Variants in PLEKHA7 observed in about 807,000 individuals in gnomAD.
PLEKHA7 encodes pleckstrin homology domain containing A7.
PLEKHA7 carries 104 observed loss-of-function variants against 170.0 expected under a neutral mutation model. The observed-to-expected ratio is 0.61, with a 90% CI of 0.52 to 0.72. The LOEUF (loss-of-function observed/expected upper bound fraction) is 0.72. Ranked by LOEUF, PLEKHA7 falls within the 30% of genes least tolerant of loss-of-function variation. The pLI, the probability that PLEKHA7 is intolerant of heterozygous loss-of-function variation, is 0.00. For missense variants in PLEKHA7, 1,615 were observed against 1,671.7 expected, an observed-to-expected ratio of 0.97 and a Z score of 0.59; for synonymous variants, 648 against 660.8, an observed-to-expected ratio of 0.98 and a Z score of 0.30.
Position 16,789,155 on chromosome 11 carries a change from T to C in PLEKHA7, c.3298A>G (p.Arg1100Gly). Residue 1100 changes from arginine to glycine, a missense_variant, in exon 23 of 27, where the codon AGG (arginine) becomes GGG (glycine). Arg to Gly is a moderately radical substitution (Grantham distance 125, BLOSUM62 -2). Transcript: ENST00000531066. The surrounding 1 kb of genome is among the most constrained non-coding windows in gnomAD (Gnocchi z 4.6). ...ERKRTLGQGE[R>G]TGLPSSRYLS... The stretch of plus-strand genomic sequence containing the variant: ...TAGCGAGATGAGGGCAGGCCCGTCC[T>C]CTCCCCTTGGCCCAGTGTCCTCTTG... 1.9e-6 allele frequency: 3 copies of C among 1,611,540 alleles called. No homozygotes were observed. Among genetic ancestry groups the C allele is most frequent in the Non-Finnish European group, 2.5e-6 (3 of 1,180,024 alleles).
chr11:16,843,148 G>T (rs777775802), intron 8 of PLEKHA7, among the ~76,000 whole-genome samples: 1 of 152,194 alleles, frequency 6.6e-6, no homozygotes, highest in Non-Finnish European at 1.5e-5. Flanking sequence ...TTGAAAGAAC[G>T]AAGAGTTAGA....
chr11:16,792,805 G>A (rs1370833010), intron 19 of PLEKHA7, among the ~76,000 whole-genome samples: 1 of 152,168 alleles, frequency 6.6e-6, no homozygotes, highest in East Asian at 1.9e-4. Flanking sequence ...ACAGGGTCTT[G>A]CTGTATTGCC....
chr11:16,854,285 C>G (rs1360989939), intron 6 of PLEKHA7, among the ~76,000 whole-genome samples: 5 of 152,198 alleles, frequency 3.3e-5, no homozygotes, highest in African/African-American at 1.2e-4. Context: ...GCCGACAGAG[C>G]TGACAGGGCT....
At chr11:16,827,762 A>G (rs1850772223) in intron 9 of PLEKHA7, among the ~76,000 whole-genome samples, 1 of 150,834 alleles carries the variant, frequency 6.6e-6, no homozygotes, top group African/African-American at 2.4e-5. Flanking sequence ...CTCAGCTCAG[A>G]TGGACTAGAA....
intron 3 of PLEKHA7, among the ~76,000 whole-genome samples, chr11:16,958,815 C>T (rs1380603080): frequency 6.6e-6 from 1 of 151,784 alleles, no homozygotes; most frequent in African/African-American, 2.4e-5. Context: ...TGCTCAATTG[C>T]ACAGCCGATG....
At chr11:16,954,956 C>T (rs1206396970) in intron 3 of PLEKHA7, among the ~76,000 whole-genome samples, 1 of 152,198 alleles carries the variant, frequency 6.6e-6, no homozygotes, top group Non-Finnish European at 1.5e-5. Context: ...TCCCAAAGTG[C>T]TGGGATTACA....
At chr11:16,798,995 A>T (rs1372912628) in intron 17 of PLEKHA7, among the ~76,000 whole-genome samples, 1 of 152,236 alleles carries the variant, frequency 6.6e-6, no homozygotes, top group East Asian at 1.9e-4. Context: ...ATTTCCTTAG[A>T]CTGGCGCTGC....
chr11:17,001,901 C>T (rs1864686209), intron 3 of PLEKHA7, among the ~76,000 whole-genome samples: 1 of 152,222 alleles, frequency 6.6e-6, no homozygotes, highest in African/African-American at 2.4e-5. Context: ...GCAAAAAAGC[C>T]CCTGAGAAAC....
chr11:16,841,594 C>A lies in PLEKHA7; in HGVS notation c.825G>T (p.Arg275Ser), dbSNP rs1216177998. The A allele has an allele frequency of 1.2e-6, 2 of 1,613,980 alleles. No homozygotes were observed. The highest frequency in any genetic ancestry group is 3.3e-5 in the Admixed American group (2 of 60,014). Residue 275 changes from arginine (R) to serine (S), a missense_variant, in exon 9 of 27, where the codon AGG becomes AGT. By Grantham distance (110) the Arg-to-Ser change is moderately radical. Transcript: ENST00000531066. Reference sequence around the variant, plus strand: ...GCACCTGTGCAGCCTGGTTCATGGCCCTGACCCAAGCGTTCATGTCCTCCT... The same window carrying A: ...GCACCTGTGCAGCCTGGTTCATGGCACTGACCCAAGCGTTCATGTCCTCCT... ...DTQEDMNAWV[R>S]AMNQAAQVLS...
rs1847827505 is a variant in PLEKHA7, at chr11:16,791,199, C to G, written c.2746G>C (p.Glu916Gln). The change falls in exon 20 of 27, where the codon GAA becomes CAA. Residue 916 changes from glutamate to glutamine, a missense_variant and splice_region_variant. Coordinates refer to ENST00000531066, the MANE Select transcript of PLEKHA7 (RefSeq NM_001329630.2). This position sits in a 1 kb window ranked among gnomAD's most constrained non-coding sequence, Gnocchi z 4.5. ...GGGGGCCTGGGAGGTGCTTCATCTTCCTGCTGAGAAAGAGAACCAGACCAG... is the reference window on the plus strand; with the variant it reads ...GGGGGCCTGGGAGGTGCTTCATCTTGCTGCTGAGAAAGAGAACCAGACCAG... ...QSPTKAKPKVEDEAPPRPPLP... is the reference protein window; with the variant it reads ...QSPTKAKPKVQDEAPPRPPLP... 1 of 1,586,130 alleles carries G rather than the reference C, an allele frequency of 6.3e-7. No homozygotes were observed. Among genetic ancestry groups the G allele is most frequent in the Non-Finnish European group, 8.6e-7 (1 of 1,165,232 alleles).
intron 3 of PLEKHA7, chr11:17,013,202 C>G (rs1044606983): frequency 6.6e-6 from 1 of 152,504 alleles, no homozygotes; most frequent in South Asian, 2.1e-4. Flanking sequence ...GAAAGCAAAG[C>G]CTGTACTGGC....
At chr11:16,937,994 T>G (rs1291480356) in intron 3 of PLEKHA7, among the ~76,000 whole-genome samples, 1 of 152,188 alleles carries the variant, frequency 6.6e-6, no homozygotes, top group Non-Finnish European at 1.5e-5. Context: ...AAGTCAAATG[T>G]GCAGCTCAGC....
intron 4 of PLEKHA7, among the ~76,000 whole-genome samples, chr11:16,858,181 CT>C: frequency 6.6e-6 from 1 of 152,250 alleles, no homozygotes; most frequent in Admixed American, 6.5e-5. Flanking sequence ...TACTTCCATT[CT>C]TTTTATATGC....
chr11:16,881,233 G>A (rs796627861), intron 3 of PLEKHA7: 5 of 152,144 alleles, frequency 3.3e-5, no homozygotes, highest in South Asian at 4.1e-4. Context: ...AACCAGTACA[G>A]GACTAACCTG....
At chr11:16,994,373 C>T (rs1221975045) in intron 3 of PLEKHA7, among the ~76,000 whole-genome samples, 2 of 152,166 alleles carry the variant, frequency 1.3e-5, no homozygotes, top group East Asian at 3.9e-4. Flanking sequence ...TCTCTTCATC[C>T]CTTCTATTTT....
intron 3 of PLEKHA7, among the ~76,000 whole-genome samples, chr11:16,884,297 A>G (rs1176676032): frequency 2.6e-5 from 4 of 152,182 alleles, no homozygotes; most frequent in Non-Finnish European, 5.9e-5. Flanking sequence ...CTCAGATTGT[A>G]AAAAATCAGC....
chr11:17,013,979 A>C lies in PLEKHA7; in HGVS notation c.221+10T>G, dbSNP rs1865499854. The C allele has an allele frequency of 7.2e-6, 11 of 1,532,296 alleles. No homozygotes were observed. In the South Asian group the frequency reaches 9.7e-5, roughly 13 times the overall value. 94.9% of individuals were successfully genotyped at this position (1,532,296 alleles called of 1,614,324 possible). Reference sequence around the variant, plus strand: ...GCACAGGTGCGAGCGCGGCGGCCCCACTCACTCACTCGATGAAGTAGCTGG... The same window carrying C: ...GCACAGGTGCGAGCGCGGCGGCCCCCCTCACTCACTCGATGAAGTAGCTGG... On this transcript the variant is annotated intron_variant, in intron 3 of 26. Transcript: ENST00000531066.
chr11:16,976,965 C>T (rs565080952), intron 3 of PLEKHA7, among the ~76,000 whole-genome samples: 1 of 152,312 alleles, frequency 6.6e-6, no homozygotes, highest in East Asian at 1.9e-4. Flanking sequence ...CACTCCAGGA[C>T]ACAGAACACA....
At chr11:16,808,554 A>T (rs1005913525) in intron 13 of PLEKHA7, among the ~76,000 whole-genome samples, 5 of 152,204 alleles carry the variant, frequency 3.3e-5, no homozygotes, top group African/African-American at 7.2e-5. Context: ...AAAAGTCCTG[A>T]TCTCAGGTTC....
Sources: gnomAD v4.1 joint callset for allele counts (sites outside exome capture counted in the v4.1 genomes callset) on GRCh38, gnomAD v4.1.1 for gene constraint, Gnocchi (gnomAD v3.1) non-coding constraint, MANE v1.5 for transcripts, NCBI Gene and HGNC (gene_info 2026-07-23, HGNC 2026-07-21) for gene names.